The following MORC1 variants were observed in gnomAD, a reference collection of about 807,000 sequenced individuals.
MORC1 encodes the protein MORC family CW-type zinc finger protein 1.
In MORC1, 59 loss-of-function variants were observed where a neutral mutation model predicts 134.9. The observed-to-expected ratio is 0.44, with a 90% confidence interval of 0.35 to 0.54. The LOEUF (loss-of-function observed/expected upper bound fraction) is 0.54. Ranked by LOEUF, MORC1 falls within the 20% of genes least tolerant of loss-of-function variation. The probability of loss-of-function intolerance (pLI) is 0.00; values close to 1 mark genes in which losing one functional copy is unlikely to be tolerated. For synonymous variants in MORC1, 395 were observed against 391.7 expected (o/e 1.01, Z -0.10); for missense variants, 947 against 1,134.5 (o/e 0.83, Z 2.37).
chr3:109,103,997 T>C lies in MORC1; in HGVS notation c.155-80A>G, dbSNP rs1950976824. On this transcript the variant is annotated intron_variant, in intron 3 of 27. Coordinates refer to ENST00000232603, the MANE Select transcript of MORC1 (RefSeq NM_014429.4). ...AAAGTCATGCTGCTAGAATAATTAT[T>C]CGTCTTCCTCCAATGCAGCCACAGA... 10 of 1,295,102 alleles carry C rather than the reference T, an allele frequency of 7.7e-6. No individual in the cohort carries two copies. The Admixed American group carries it at 1.7e-4, about 22-fold the overall frequency. 80.2% of individuals were successfully genotyped at this position (1,295,102 alleles called of 1,614,324 possible).
intron 12 of MORC1, among the ~76,000 whole-genome samples, chr3:109,059,547 G>A (rs1330434620): frequency 6.6e-6 from 1 of 152,074 alleles, no homozygotes; most frequent in Non-Finnish European, 1.5e-5. Context: ...CCAATTAAAT[G>A]CTGAACTAAT....
intron 20 of MORC1, among the ~76,000 whole-genome samples, chr3:109,003,971 T>C (rs911605312): frequency 1.6e-4 from 24 of 152,184 alleles, no homozygotes; most frequent in Non-Finnish European, 1.5e-5. Flanking sequence ...ATTTCTATAA[T>C]GTAACTACTA....
intron 26 of MORC1, among the ~76,000 whole-genome samples, chr3:108,969,194 A>C (rs1947303889): frequency 1.3e-5 from 2 of 152,214 alleles, no homozygotes; most frequent in Non-Finnish European, 2.9e-5. Context: ...GCTTGAGGCT[A>C]TGGATGAATT....
chr3:109,016,892 A>G (rs535947554), intron 17 of MORC1, among the ~76,000 whole-genome samples: 5 of 152,038 alleles, frequency 3.3e-5, no homozygotes, highest in Non-Finnish European at 7.4e-5. Flanking sequence ...AAGAAAGAAA[A>G]AAGGAAAAGG....
intron 8 of MORC1, among the ~76,000 whole-genome samples, chr3:109,076,659 G>A (rs546241316): frequency 1.3e-5 from 2 of 152,270 alleles, no homozygotes; most frequent in East Asian, 3.9e-4. Context: ...AAGAAAGGAT[G>A]AGTTCATGTC....
At chr3:109,091,496 T>C (rs1950726572) in intron 8 of MORC1, among the ~76,000 whole-genome samples, 1 of 146,280 alleles carries the variant, frequency 6.8e-6, no homozygotes, top group Non-Finnish European at 1.5e-5. Context: ...ATGTTCTAAG[T>C]TTAAAGGGAG....
chr3:109,106,500 T>C (rs1318946161), intron 3 of MORC1, among the ~76,000 whole-genome samples: 1 of 152,216 alleles, frequency 6.6e-6, no homozygotes, highest in African/African-American at 2.4e-5. Context: ...TTCAGGTATA[T>C]TTTATCACTT....
chr3:109,099,592 C>A, intron 5 of MORC1, 126 bp from the exon 6 acceptor site: 4 of 627,646 alleles, frequency 6.4e-6, no homozygotes, highest in East Asian at 3.6e-5. Context: ...GCTGACCCGT[C>A]ATCAAGAGGG....
intron 16 of MORC1, among the ~76,000 whole-genome samples, chr3:109,030,625 T>C (rs1285214302): frequency 3.9e-5 from 6 of 152,228 alleles, no homozygotes; most frequent in Non-Finnish European, 8.8e-5. Flanking sequence ...TTAAGAAAAT[T>C]ATAAATATAA....
At chr3:109,086,650 G>A (rs1576727383) in intron 8 of MORC1, among the ~76,000 whole-genome samples, 1 of 152,002 alleles carries the variant, frequency 6.6e-6, no homozygotes, top group South Asian at 2.1e-4. Flanking sequence ...AACAATTTAA[G>A]TATAAAGACT....
chr3:108,986,865 C>A lies in MORC1; in HGVS notation c.2257+15G>T. On this transcript the variant is annotated intron_variant, in intron 22 of 27. Coordinates refer to ENST00000232603, the MANE Select transcript of MORC1 (RefSeq NM_014429.4). ...TAGCTAATATATATATATACATGAG[C>A]TGATTTTTTTTTACCTTGGTTTAAA... The A allele has an allele frequency of 2.8e-6, 4 of 1,411,844 alleles. No homozygotes were observed. The highest frequency in any genetic ancestry group is 3.8e-6 in the Non-Finnish European group (4 of 1,056,882). 87.5% of individuals were successfully genotyped at this position (1,411,844 alleles called of 1,614,324 possible). A position where few individuals can be genotyped will look rare whatever the true frequency, so the allele number is the denominator to read the frequency against.
intron 9 of MORC1, among the ~76,000 whole-genome samples, chr3:109,068,374 C>G (rs886204024): frequency 6.6e-6 from 1 of 152,170 alleles, no homozygotes; most frequent in Non-Finnish European, 1.5e-5. Context: ...TCTTCCCCCT[C>G]AAGTCCCCAA....
At chr3:109,003,391 GCACACACACACACA>G (rs3054383) in intron 20 of MORC1, among the ~76,000 whole-genome samples, 28 of 146,760 alleles carry the variant, frequency 1.9e-4, no homozygotes, top group Middle Eastern at 3.4e-3. Flanking sequence ...ATATGTGTAT[GCACACACACACACA>G]CACACACACA....
intron 14 of MORC1, among the ~76,000 whole-genome samples, chr3:109,045,498 A>G (rs766006285): frequency 1.3e-5 from 2 of 152,186 alleles, no homozygotes; most frequent in Admixed American, 6.5e-5. Flanking sequence ...TACACTGTTG[A>G]GAAGAACCAT....
At chr3:109,011,635 C>T (rs1296352876) in intron 17 of MORC1, among the ~76,000 whole-genome samples, 1 of 151,954 alleles carries the variant, frequency 6.6e-6, no homozygotes, top group Non-Finnish European at 1.5e-5. Flanking sequence ...AATTCTACTG[C>T]TTCAGCCTCC....
chr3:108,996,623 T>C (rs1948237497), intron 21 of MORC1, among the ~76,000 whole-genome samples: 1 of 152,224 alleles, frequency 6.6e-6, no homozygotes. Flanking sequence ...CTCCAAATGA[T>C]GTGCAAGGTC....
intron 14 of MORC1, among the ~76,000 whole-genome samples, chr3:109,054,212 T>TA (rs1378208323): frequency 6.7e-6 from 1 of 149,076 alleles, no homozygotes; most frequent in Non-Finnish European, 1.5e-5. Context: ...ACCAGGGAGA[T>TA]AGAGGTTGCA....
At position 109,059,884 on chromosome 3, in the gene MORC1, T is replaced by G. The variant is rs752149214; in HGVS notation, c.967-14A>C. 35 of 1,608,402 alleles carry G rather than the reference T, an allele frequency of 2.2e-5. No homozygotes were observed. In the East Asian group the frequency reaches 7.6e-4, roughly 35 times the overall value. On this transcript the variant is annotated splice_polypyrimidine_tract_variant and intron_variant, in intron 11 of 27. Transcript: ENST00000232603. Reference sequence around the variant, plus strand: ...CTGTAATACATCCTGGAGAAATGCATTGGTTGGGAGAGAACATAATGCCAC... The same window carrying G: ...CTGTAATACATCCTGGAGAAATGCAGTGGTTGGGAGAGAACATAATGCCAC...
chr3:108,972,614 T>C (rs140510157), intron 24 of MORC1, among the ~76,000 whole-genome samples: 3 of 152,224 alleles, frequency 2.0e-5, no homozygotes, highest in Non-Finnish European at 4.4e-5. Context: ...CTTCCAGGTA[T>C]ATGAGATGAG....
Sources: gnomAD v4.1 joint callset for allele counts (sites outside exome capture counted in the v4.1 genomes callset) on GRCh38, gnomAD v4.1.1 for gene constraint, MANE v1.5 for transcripts, NCBI Gene and HGNC (gene_info 2026-07-23, HGNC 2026-07-21) for gene names.